ARHGAP26: variants seen among roughly 807,000 people sequenced by gnomAD.
ARHGAP26 encodes the protein Rho GTPase activating protein 26.
A neutral mutation model predicts 104.8 loss-of-function variants in ARHGAP26; 38 were observed. That is an observed-to-expected ratio of 0.36 (90% CI 0.28 to 0.48). The LOEUF is 0.48. Among genes scored for constraint, ARHGAP26 ranks in the 20% least tolerant of loss-of-function variants. The pLI is 0.99. For missense variants in ARHGAP26, 704 were observed against 947.9 expected (o/e 0.74, Z 3.38); for synonymous variants, 341 against 340.0 (o/e 1.00, Z -0.03).
At chr5:143,133,884 A>G (rs1317197248) in intron 18 of ARHGAP26, 83 bp from the exon 19 acceptor site, 11 of 1,369,770 alleles carry the variant, frequency 8.0e-6, no homozygotes, top group African/African-American at 1.5e-5. Context: ...AGACACTGCC[A>G]AGCTTTCCGT....
intron 1 of ARHGAP26, among the ~76,000 whole-genome samples, chr5:142,791,661 G>T (rs142312895): frequency 1.3e-5 from 2 of 152,068 alleles, no homozygotes; most frequent in African/African-American, 4.8e-5. Flanking sequence ...CCTACCCCTC[G>T]CATTTAAAAG....
At chr5:143,189,142 A>G (rs968718132) in intron 20 of ARHGAP26, among the ~76,000 whole-genome samples, 5 of 152,236 alleles carry the variant, frequency 3.3e-5, no homozygotes, top group African/African-American at 7.2e-5. Flanking sequence ...AGACAGGCCA[A>G]TGTTTACCAC....
chr5:143,070,893 CAG>C (rs1350634084), intron 17 of ARHGAP26, among the ~76,000 whole-genome samples: 5 of 151,900 alleles, frequency 3.3e-5, no homozygotes, highest in African/African-American at 1.2e-4. Context: ...GCCTGGGTGA[CAG>C]ATCTTGACAC....
intron 1 of ARHGAP26, among the ~76,000 whole-genome samples, chr5:142,783,962 A>G (rs13436025): frequency 0.092 from 14,006 of 152,190 alleles, 2,056 homozygotes; most frequent in African/African-American, 0.31. Flanking sequence ...GCTGTGGACA[A>G]TATGTCATTG....
At chr5:142,786,654 A>AT (rs70991779) in intron 1 of ARHGAP26, among the ~76,000 whole-genome samples, 2,335 of 104,354 alleles carry the variant, frequency 0.022, 19 homozygotes, top group Non-Finnish European at 0.033. Flanking sequence ...GAGTTCTAGA[A>AT]TTTTTTTTTT....
intron 17 of ARHGAP26, among the ~76,000 whole-genome samples, chr5:143,082,009 C>CAA (rs71576162): frequency 3.5e-3 from 131 of 37,414 alleles, no homozygotes; most frequent in Middle Eastern, 9.6e-3. Flanking sequence ...GACTCCATCT[C>CAA]AAAAAAAAAA....
At chr5:142,880,487 A>G (rs1756816316) in intron 4 of ARHGAP26, among the ~76,000 whole-genome samples, 1 of 150,572 alleles carries the variant, frequency 6.6e-6, no homozygotes, top group South Asian at 2.1e-4. Context: ...CACTGACTGC[A>G]GCCTGGGCAA....
chr5:142,886,212 C>T (rs769632441), intron 5 of ARHGAP26, among the ~76,000 whole-genome samples: 36 of 152,122 alleles, frequency 2.4e-4, no homozygotes, highest in Non-Finnish European at 3.7e-4. Flanking sequence ...AAGAGGCTAC[C>T]GTGGCTTCCA....
chr5:143,089,919 C>T (rs184125332), intron 17 of ARHGAP26, among the ~76,000 whole-genome samples: 7 of 152,254 alleles, frequency 4.6e-5, no homozygotes, highest in African/African-American at 1.7e-4. Flanking sequence ...AAAGGGATAG[C>T]CAATTGGACT....
At chr5:142,899,450 G>A (rs1469272378) in intron 6 of ARHGAP26, among the ~76,000 whole-genome samples, 3 of 152,220 alleles carry the variant, frequency 2.0e-5, no homozygotes, top group Non-Finnish European at 4.4e-5. Context: ...AGGATAACAA[G>A]GATAGAGAAG....
intron 12 of ARHGAP26, among the ~76,000 whole-genome samples, chr5:143,025,883 TTGTTTC>T (rs1780980947): frequency 1.3e-5 from 2 of 152,238 alleles, no homozygotes; most frequent in Admixed American, 1.3e-4. Flanking sequence ...AGGCAGATTT[TTGTTTC>T]TGTTCCTGCT....
At position 143,196,521 on chromosome 5, in the gene ARHGAP26, C is replaced by A. The variant is rs550395082; in HGVS notation, c.1989-10677C>A. Among the ~76,000 whole-genome samples, 5 of 152,292 alleles carry A rather than the reference C, an allele frequency of 3.3e-5. No homozygotes were observed. In the South Asian group the frequency reaches 1.0e-3, roughly 32 times the overall value. Reference sequence around the variant, plus strand: ...TATGTATTTCTGCCTAAAGTCACCTCATTTAATATTATTGTTGATTTATTA... The same window carrying A: ...TATGTATTTCTGCCTAAAGTCACCTAATTTAATATTATTGTTGATTTATTA... On this transcript the variant is annotated intron_variant, in intron 20 of 22. Transcript: ENST00000645722.
At chr5:142,984,661 C>T (rs1020724548) in intron 11 of ARHGAP26, among the ~76,000 whole-genome samples, 12 of 152,058 alleles carry the variant, frequency 7.9e-5, no homozygotes, top group South Asian at 4.1e-4. Context: ...CAATGACAGA[C>T]CACACATACC....
chr5:143,013,902 A>G (rs71590928), intron 11 of ARHGAP26, among the ~76,000 whole-genome samples, 178 bp from the exon 12 acceptor site: 6,343 of 152,318 alleles, frequency 0.042, 258 homozygotes, highest in African/African-American at 0.1. Flanking sequence ...ACTTAAGAAC[A>G]GCTAAAGTAA....
chr5:142,913,388 C>A, intron 10 of ARHGAP26, 95 bp downstream of exon 10: 1 of 1,075,496 alleles, frequency 9.3e-7, no homozygotes. Flanking sequence ...CTTTTTTCCC[C>A]TTCTCCCCCT....
chr5:142,987,590 G>T (rs567113545), intron 11 of ARHGAP26, among the ~76,000 whole-genome samples: 2 of 152,186 alleles, frequency 1.3e-5, no homozygotes, highest in Admixed American at 1.3e-4. Flanking sequence ...CAAAGGGAAT[G>T]CTTCCAGTTT....
intron 1 of ARHGAP26, among the ~76,000 whole-genome samples, chr5:142,812,157 C>T (rs568705399): frequency 9.2e-5 from 14 of 152,086 alleles, no homozygotes; most frequent in East Asian, 5.8e-4. Context: ...GAGGGTTGTT[C>T]GGGCAGACAT....
At chr5:143,215,907 G>T (rs114828471) in intron 22 of ARHGAP26, among the ~76,000 whole-genome samples, 1,629 of 152,272 alleles carry the variant, frequency 0.011, 21 homozygotes, top group African/African-American at 0.037. Context: ...GAATAATGCT[G>T]CTGTGAACAT....
intron 11 of ARHGAP26, among the ~76,000 whole-genome samples, chr5:142,988,197 C>T (rs924502165): frequency 1.2e-4 from 18 of 152,258 alleles, no homozygotes; most frequent in African/African-American, 3.6e-4. Flanking sequence ...AGGGATTCAA[C>T]TTCTTCCTGG....
Sources: gnomAD v4.1 joint callset for allele counts (sites outside exome capture counted in the v4.1 genomes callset) on GRCh38, gnomAD v4.1.1 for gene constraint, MANE v1.5 for transcripts, NCBI Gene and HGNC (gene_info 2026-07-23, HGNC 2026-07-21) for gene names.